Variants in ABI3BP observed in about 807,000 individuals in gnomAD.
The protein encoded by ABI3BP is ABI family member 3 binding protein, also known as target of Nesh-SH3.
ABI3BP carries 216 observed loss-of-function variants against 268.6 expected under a neutral mutation model. The ratio of observed to expected loss-of-function variants is 0.80; its 90% CI spans 0.72 to 0.90. The LOEUF is 0.90. Among genes scored for constraint, ABI3BP ranks in the 40% least tolerant of loss-of-function variants. The probability of loss-of-function intolerance (pLI) is 0.00; values close to 1 mark genes in which losing one functional copy is unlikely to be tolerated. For missense variants in ABI3BP, 2,090 were observed against 2,182.4 expected, an observed-to-expected ratio of 0.96 and a Z score of 0.84; for synonymous variants, 730 against 730.0, an observed-to-expected ratio of 1.00 and a Z score of 0.00.
intron 27 of ABI3BP, among the ~76,000 whole-genome samples, chr3:100,836,458 G>T (rs1300921629): frequency 6.6e-6 from 1 of 151,952 alleles, no homozygotes; most frequent in Non-Finnish European, 1.5e-5. Context: ...TTCTCTTATT[G>T]CTCAAGACAT....
chr3:100,810,579 A>G, intron 48 of ABI3BP, 102 bp from the exon 49 acceptor site: 1 of 790,920 alleles, frequency 1.3e-6, no homozygotes, highest in South Asian at 2.1e-5. Context: ...TTTAAAATAA[A>G]GAAAATTGCA....
intron 14 of ABI3BP, among the ~76,000 whole-genome samples, chr3:100,859,883 T>C (rs2098978987): frequency 6.6e-6 from 1 of 152,232 alleles, no homozygotes. Context: ...ACTACATCGA[T>C]AAGGTAGCGC....
In ABI3BP at chr3:100,752,648, T is replaced by C. The variant is rs908143206; in HGVS notation, c.5122+139A>G. 55 of 804,852 alleles carry C rather than the reference T, an allele frequency of 6.8e-5. No individual in the cohort carries two copies. The Admixed American group carries it at 1.2e-3, about 18-fold the overall frequency. 49.9% of individuals were successfully genotyped at this position (804,852 alleles called of 1,614,324 possible). On this transcript the variant is annotated intron_variant, in intron 66 of 67. Coordinates refer to ENST00000471714, the MANE Select transcript of ABI3BP (RefSeq NM_001375547.2). ...TTTCTAGGAATGATAACTGTTTCCG[T>C]AACATTTTGCTCAGAGGAAAACTTG... is the stretch of plus-strand genomic sequence containing the variant.
intron 2 of ABI3BP, among the ~76,000 whole-genome samples, chr3:100,908,944 A>G (rs972435569): frequency 6.6e-6 from 1 of 152,200 alleles, no homozygotes; most frequent in Middle Eastern, 3.2e-3. Context: ...GAGCCTGCAT[A>G]GCCAAGACAA....
At chr3:100,751,321 T>G (rs1456710717) in intron 67 of ABI3BP, among the ~76,000 whole-genome samples, 1 of 152,188 alleles carries the variant, frequency 6.6e-6, no homozygotes, top group African/African-American at 2.4e-5. Context: ...TATAGCTGTT[T>G]TTGCAAGTTT....
chr3:100,846,772 C>T (rs1280424103), intron 19 of ABI3BP, among the ~76,000 whole-genome samples: 2 of 152,208 alleles, frequency 1.3e-5, no homozygotes, highest in East Asian at 3.9e-4. Context: ...AATTATTTTG[C>T]ACCCTTACTT....
intron 1 of ABI3BP, among the ~76,000 whole-genome samples, chr3:100,949,595 G>A (rs1035777440): frequency 6.6e-6 from 1 of 152,140 alleles, no homozygotes; most frequent in African/African-American, 2.4e-5. Context: ...GTGAAATTTG[G>A]TATTCGTTTT....
At chr3:100,842,069 A>G (rs1195344422) in intron 20 of ABI3BP, 30 bp from the exon 21 acceptor site, 1 of 1,508,528 alleles carries the variant, frequency 6.6e-7, no homozygotes. Flanking sequence ...TATCAAAAGC[A>G]ATGCTGAAGA....
At chr3:100,795,512 A>G (rs1013041438) in intron 53 of ABI3BP, among the ~76,000 whole-genome samples, 2 of 152,042 alleles carry the variant, frequency 1.3e-5, no homozygotes, top group Admixed American at 6.6e-5. Flanking sequence ...CACTAAACCA[A>G]TGGAAATTGT....
At chr3:100,887,257 T>C (rs1349582037) in intron 4 of ABI3BP, among the ~76,000 whole-genome samples, 7 of 152,058 alleles carry the variant, frequency 4.6e-5, no homozygotes, top group Admixed American at 3.3e-4. Context: ...CTATATACAG[T>C]AATGAGAGTG....
At chr3:100,856,045 C>T (rs1165836787) in intron 14 of ABI3BP, among the ~76,000 whole-genome samples, 1 of 152,188 alleles carries the variant, frequency 6.6e-6, no homozygotes, top group Non-Finnish European at 1.5e-5. Flanking sequence ...TACCTGAAAT[C>T]TGTTTTCCTA....
At chr3:100,953,074 C>T (rs1397755983) in intron 1 of ABI3BP, among the ~76,000 whole-genome samples, 1 of 152,146 alleles carries the variant, frequency 6.6e-6, no homozygotes, top group African/African-American at 2.4e-5. Context: ...TTCTTTCAAA[C>T]CCATGTAGGA....
intron 31 of ABI3BP, among the ~76,000 whole-genome samples, chr3:100,831,274 G>C (rs1261158660): frequency 6.6e-6 from 1 of 152,072 alleles, no homozygotes; most frequent in Admixed American, 6.6e-5. Context: ...GGGAGAGAGA[G>C]ACAGGGAGGG....
intron 9 of ABI3BP, among the ~76,000 whole-genome samples, chr3:100,873,476 G>T (rs1424052567): frequency 6.6e-6 from 1 of 152,084 alleles, no homozygotes; most frequent in Non-Finnish European, 1.5e-5. Context: ...TGTGGGATCC[G>T]CACTGTACCA....
At chr3:100,781,495 C>A (rs1448701489) in intron 57 of ABI3BP, among the ~76,000 whole-genome samples, 1 of 152,054 alleles carries the variant, frequency 6.6e-6, no homozygotes, top group African/African-American at 2.4e-5. Flanking sequence ...CATAGGCAGG[C>A]CACAGGCAAA....
rs371305907 is a variant in ABI3BP, at chr3:100,902,700, C to T, written c.260-14G>A. 7.0e-5 allele frequency: 113 copies of T among 1,611,894 alleles called. No homozygotes were observed. Among genetic ancestry groups the T allele is most frequent in the Non-Finnish European group, 8.9e-5 (105 of 1,178,638 alleles). On this transcript the variant is annotated splice_polypyrimidine_tract_variant and intron_variant, in intron 2 of 67. Transcript: ENST00000471714. ...TCGGCTCTGCATCTGGAAGCAATAA[C>T]ATTATTTATCAGAAAAACCCTTTGA...
chr3:100,963,831 A>G (rs2080148811), intron 1 of ABI3BP, among the ~76,000 whole-genome samples: 1 of 152,150 alleles, frequency 6.6e-6, no homozygotes, highest in Non-Finnish European at 1.5e-5. Flanking sequence ...GAAGCCATTC[A>G]CTAACCAGCC....
At chr3:100,873,509 A>G (rs2099130897) in intron 9 of ABI3BP, among the ~76,000 whole-genome samples, 1 of 152,122 alleles carries the variant, frequency 6.6e-6, no homozygotes, top group African/African-American at 2.4e-5. Flanking sequence ...CAGGAACATC[A>G]AGGGTTTGTT....
intron 1 of ABI3BP, among the ~76,000 whole-genome samples, chr3:100,992,605 A>G (rs1257340911): frequency 1.3e-5 from 2 of 152,262 alleles, no homozygotes; most frequent in African/African-American, 2.4e-5. Flanking sequence ...GAGAGAGGCA[A>G]CAGCCTCTTG....
Sources: gnomAD v4.1 joint callset for allele counts (sites outside exome capture counted in the v4.1 genomes callset) on GRCh38, gnomAD v4.1.1 for gene constraint, MANE v1.5 for transcripts, NCBI Gene and HGNC (gene_info 2026-07-23, HGNC 2026-07-21) for gene names.